The following TOR1AIP2 variants were observed in gnomAD, a reference collection of about 807,000 sequenced individuals.
The protein encoded by TOR1AIP2 is torsin-1A-interacting protein 2.
Under a neutral mutation model 32.6 loss-of-function variants are expected in TOR1AIP2, and 20 were observed. The observed-to-expected ratio is 0.61, with a 90% CI of 0.43 to 0.89. The LOEUF is 0.89. Among genes scored for constraint, TOR1AIP2 ranks in the 40% least tolerant of loss-of-function variants. The probability of loss-of-function intolerance (pLI) is 0.00; values close to 1 mark genes in which losing one functional copy is unlikely to be tolerated. For missense variants in TOR1AIP2, 456 were observed against 553.8 expected (o/e 0.82, Z 1.77); for synonymous variants, 214 against 210.8 (o/e 1.02, Z -0.13).
At chr1:179,864,945 TGAGA>T in intron 3 of TOR1AIP2, 1 of 1,613,974 alleles carries the variant, frequency 6.2e-7, no homozygotes, top group Non-Finnish European at 8.5e-7. Flanking sequence ...GTCCATCTGG[TGAGA>T]TTCTGGGGAG....
intron 3 of TOR1AIP2, chr1:179,860,973 T>A (rs906919417): frequency 3.0e-6 from 3 of 985,422 alleles, no homozygotes; most frequent in South Asian, 4.7e-5. Flanking sequence ...AACTCAGAGA[T>A]GAATCTTACC....
intron 3 of TOR1AIP2, chr1:179,859,651 A>AT: frequency 1.0e-6 from 1 of 985,394 alleles, no homozygotes; most frequent in Non-Finnish European, 1.2e-6. Flanking sequence ...TACAGCAATT[A>AT]TATCTACCAT....
intron 3 of TOR1AIP2, 94 bp downstream of exon 3, chr1:179,865,342 T>G: frequency 1.2e-6 from 1 of 803,680 alleles, no homozygotes; most frequent in Non-Finnish European, 1.9e-6. Context: ...CTCCGTGCAA[T>G]TCTTCAAGAT....
intron 3 of TOR1AIP2, among the ~76,000 whole-genome samples, chr1:179,855,358 A>G (rs1481660743): frequency 6.6e-6 from 1 of 152,234 alleles, no homozygotes; most frequent in Non-Finnish European, 1.5e-5. Flanking sequence ...ACACATAAAG[A>G]ATTCCACAAA....
At chr1:179,850,784 G>A in intron 5 of TOR1AIP2, 61 bp downstream of exon 5, 1 of 1,540,368 alleles carries the variant, frequency 6.5e-7, no homozygotes, top group Non-Finnish European at 8.7e-7. Flanking sequence ...TCTGACTTCT[G>A]CTGTGTTCTC....
intron 6 of TOR1AIP2, among the ~76,000 whole-genome samples, chr1:179,847,193 A>G (rs1475051922): frequency 5.9e-5 from 9 of 152,192 alleles, no homozygotes. Context: ...TGCACCTACT[A>G]CCTATAGCCG....
intron 3 of TOR1AIP2, chr1:179,862,163 C>A: frequency 1.0e-6 from 1 of 984,698 alleles, no homozygotes; most frequent in Non-Finnish European, 1.2e-6. Context: ...TTAATCTGAT[C>A]TTACTATTTA....
rs567408608 is a variant in TOR1AIP2 at position 179,840,100 on chromosome 1, C to T, written c.*5971G>A. On this transcript the variant is annotated 3_prime_UTR_variant, in exon 7 of 7. Coordinates refer to ENST00000609928, the MANE Select transcript of TOR1AIP2 (RefSeq NM_001199260.2). ...AGAAAGGGAGTGCAGAGAAGTGGGA[C>T]GTTAGTATTGGCAAAGCACACATAT... 34 of 152,280 alleles carry T rather than the reference C, an allele frequency of 2.2e-4. No homozygotes were observed. The highest frequency in any genetic ancestry group is 7.2e-4 in the African/African-American group (30 of 41,556). 9.4% of individuals were successfully genotyped at this position (152,280 alleles called of 1,614,324 possible).
chr1:179,876,773 T>C (rs1489313141), intron 2 of TOR1AIP2, among the ~76,000 whole-genome samples: 6 of 152,206 alleles, frequency 3.9e-5, no homozygotes, highest in Non-Finnish European at 8.8e-5. Flanking sequence ...GTTTAATCTA[T>C]GTAACTCATT....
At chr1:179,867,507 G>T (rs533560297) in intron 2 of TOR1AIP2, 1 of 152,298 alleles carries the variant, frequency 6.6e-6, no homozygotes, top group East Asian at 1.9e-4. Flanking sequence ...TCCCACAATG[G>T]TGGATAAACA....
intron 3 of TOR1AIP2, among the ~76,000 whole-genome samples, chr1:179,856,448 C>A (rs76249016): frequency 2.0e-5 from 3 of 152,234 alleles, no homozygotes; most frequent in Admixed American, 6.5e-5. Flanking sequence ...ATCCTACACC[C>A]CACTTCATTC....
chr1:179,853,143 T>C (rs12121694), intron 3 of TOR1AIP2, among the ~76,000 whole-genome samples: 19,076 of 152,232 alleles, frequency 0.13, 1,245 homozygotes, highest in Middle Eastern at 0.2. Context: ...TTTAAGTCAT[T>C]GCTGAAACAA....
intron 3 of TOR1AIP2, among the ~76,000 whole-genome samples, chr1:179,856,247 C>A (rs536750978): frequency 2.4e-4 from 36 of 152,294 alleles, no homozygotes; most frequent in Non-Finnish European, 3.7e-4. Flanking sequence ...AAAATCTGTA[C>A]ATTAATTGTA....
chr1:179,861,297 T>C, intron 3 of TOR1AIP2: 2 of 984,922 alleles, frequency 2.0e-6, no homozygotes, highest in Non-Finnish European at 2.4e-6. Flanking sequence ...TCATATCAAC[T>C]ATGGAGTATT....
intron 2 of TOR1AIP2, among the ~76,000 whole-genome samples, chr1:179,871,084 C>T (rs1360326279): frequency 1.3e-5 from 2 of 152,116 alleles, no homozygotes; most frequent in Non-Finnish European, 2.9e-5. Context: ...ATAAAAAGAT[C>T]CCCTGTAGGC....
rs906582246 is a variant in TOR1AIP2 at position 179,862,454 on chromosome 1, A to G, written c.-147+2982T>C. 1.1e-5 allele frequency: 11 copies of G among 985,330 alleles called. No homozygotes were observed. The African/African-American group carries it at 1.7e-4, about 16-fold the overall frequency. 61.0% of individuals were successfully genotyped at this position (985,330 alleles called of 1,614,324 possible). A position where few individuals can be genotyped will look rare whatever the true frequency, so the allele number is the denominator to read the frequency against. ...GTCTTCAGTCAATTTAGCAGTTCAC[A>G]TAGTTTATTCAGCAATATAACAGGA... On this transcript the variant is annotated intron_variant, in intron 3 of 6. Coordinates refer to ENST00000609928, the MANE Select transcript of TOR1AIP2 (RefSeq NM_001199260.2).
intron 2 of TOR1AIP2, chr1:179,868,309 T>A (rs577918434): frequency 7.9e-5 from 12 of 152,370 alleles, no homozygotes; most frequent in African/African-American, 2.9e-4. Flanking sequence ...TTATTTATTT[T>A]GGCTATTTTT....
chr1:179,859,228 A>G, intron 3 of TOR1AIP2: 3 of 946,218 alleles, frequency 3.2e-6, no homozygotes, highest in Non-Finnish European at 3.8e-6. Context: ...TCTTTGTGCC[A>G]GGCATCATTC....
rs1260996588 is a variant in TOR1AIP2, at chr1:179,845,919, AAAAT to A, written c.*148_*151del. ...ATTAGAAAGATTTTACAAGGAATAA[AAAAT>A]AAAAACTTGTTTCTAAAATAAGCTC... On this transcript the variant is annotated 3_prime_UTR_variant, in exon 7 of 7. Transcript: ENST00000609928. 3.7e-5 allele frequency: 27 copies of A among 728,998 alleles called. No homozygotes were observed. Among genetic ancestry groups the A allele is most frequent in the Non-Finnish European group, 5.5e-5 (26 of 474,418 alleles). The allele number at this position is 728,998 out of a possible 1,614,324, so 45.2% of individuals were successfully genotyped here.
Sources: allele counts gnomAD v4.1 joint callset (sites outside exome capture counted in the v4.1 genomes callset), GRCh38; gene constraint gnomAD v4.1.1; transcripts MANE v1.5; gene names NCBI Gene and HGNC (gene_info 2026-07-23, HGNC 2026-07-21).